Variants in MCCC2 observed in about 807,000 individuals in gnomAD.
MCCC2 encodes methylcrotonoyl-CoA carboxylase beta chain, mitochondrial.
Under a neutral mutation model 77.2 loss-of-function variants are expected in MCCC2, and 52 were observed. The observed-to-expected ratio is 0.67, with a 90% CI of 0.54 to 0.85. The LOEUF (loss-of-function observed/expected upper bound fraction) is 0.85, where lower values mean the gene tolerates loss of function less well. MCCC2 is among the 40% of genes least tolerant of loss of function. MCCC2 has a pLI of 0.00. For synonymous variants in MCCC2, 253 were observed against 248.4 expected (o/e 1.02, Z -0.18); for missense variants, 682 against 703.2 (o/e 0.97, Z 0.34).
intron 6 of MCCC2, among the ~76,000 whole-genome samples, chr5:71,618,633 A>G (rs552283250): frequency 5.0e-4 from 75 of 151,246 alleles, no homozygotes; most frequent in Non-Finnish European, 3.7e-4. Context: ...TTATCCTCCC[A>G]CCTCAGCTTC....
chr5:71,643,788 G>C (rs1354954258), intron 11 of MCCC2, 31 bp from the exon 12 acceptor site: 1 of 1,613,864 alleles, frequency 6.2e-7, no homozygotes, highest in Non-Finnish European at 8.5e-7. Flanking sequence ...AAAAGCACAA[G>C]ACATAAATCT....
In MCCC2 at chr5:71,643,901, T is replaced by A. The variant is rs1466954604; in HGVS notation, c.1149+6T>A. On this transcript the variant is annotated splice_donor_region_variant and intron_variant, in intron 12 of 16. Transcript: ENST00000340941. ...TTTCTGAATCTGCAAAAAAGGCAAG[T>A]ACTGTTAAAAATATTTCAAGATTTT... 1 of 1,614,042 alleles carries A rather than the reference T, an allele frequency of 6.2e-7. No homozygotes were observed. The highest frequency in any genetic ancestry group is 1.7e-5 in the Admixed American group (1 of 60,018).
At chr5:71,620,358 AAG>A (rs1228145771) in intron 6 of MCCC2, among the ~76,000 whole-genome samples, 1 of 152,188 alleles carries the variant, frequency 6.6e-6, no homozygotes, top group Non-Finnish European at 1.5e-5. Flanking sequence ...TGAATTGAAA[AAG>A]AAGTAAGGTG....
intron 2 of MCCC2, among the ~76,000 whole-genome samples, chr5:71,595,524 A>T (rs1283015305): frequency 6.6e-6 from 1 of 152,190 alleles, no homozygotes; most frequent in Admixed American, 6.6e-5. Context: ...ATAGCTGAAC[A>T]TTTCATTAGA....
At position 71,650,142 on chromosome 5, in the gene MCCC2, G is replaced by T. The variant is rs1378744866; in HGVS notation, c.1447G>T (p.Ala483Ser). Reference sequence around the variant, plus strand: ...AGGAGAGCAGGCAGCCAATGTGTTGGCCACGATAACAAAGGACCAAAGAGC... The same window carrying T: ...AGGAGAGCAGGCAGCCAATGTGTTGTCCACGATAACAAAGGACCAAAGAGC... ...MGGEQAANVL[A>S]TITKDQRARE... Residue 483 changes from alanine (A) to serine (S), a missense_variant, in exon 15 of 17, where the codon GCC becomes TCC. Ala to Ser is a moderately conservative substitution (Grantham distance 99). Transcript: ENST00000340941. 1 of 1,614,106 alleles carries T rather than the reference G, an allele frequency of 6.2e-7. No homozygotes were observed. Among genetic ancestry groups the T allele is most frequent in the South Asian group, 1.1e-5 (1 of 91,084 alleles).
At chr5:71,635,389 A>T (rs1746881670) in intron 10 of MCCC2, 143 bp downstream of exon 10, 1 of 764,930 alleles carries the variant, frequency 1.3e-6, no homozygotes, top group East Asian at 2.7e-5. Flanking sequence ...ATATGTGGCA[A>T]TGATACCTTT....
chr5:71,632,382 G>A (rs1746749785), intron 8 of MCCC2, among the ~76,000 whole-genome samples, 197 bp downstream of exon 8: 1 of 152,192 alleles, frequency 6.6e-6, no homozygotes, highest in African/African-American at 2.4e-5. Context: ...CAGCCAAGAA[G>A]GACTGGAGAG....
chr5:71,634,487 G>T (rs562004535), intron 8 of MCCC2, among the ~76,000 whole-genome samples: 1 of 152,200 alleles, frequency 6.6e-6, no homozygotes, highest in South Asian at 2.1e-4. Flanking sequence ...TCTCCATTAG[G>T]AGCTCAGTTA....
At position 71,587,523 on chromosome 5, in the gene MCCC2, C is replaced by T. The variant is rs2112251506; in HGVS notation, c.98C>T (p.Thr33Ile). 6.5e-7 allele frequency: 1 copy of T among 1,538,240 alleles called. No individual in the cohort carries two copies. Among genetic ancestry groups the T allele is most frequent in the Non-Finnish European group, 8.7e-7 (1 of 1,146,438 alleles). Residue 33 changes from threonine to isoleucine, a missense_variant, in exon 1 of 17, where the codon ACC becomes ATC. Thr to Ile is a moderately conservative substitution (Grantham distance 89). Transcript: ENST00000340941. ...GGGGACTCGGTGGCCTCGCTGGGCA[C>T]CCAGCCGGACTTGGGCTCTGCCCTC... is the stretch of plus-strand genomic sequence containing the variant. The part of the protein sequence containing the change: ...YHGDSVASLG[T>I]QPDLGSALYQ...
intron 6 of MCCC2, among the ~76,000 whole-genome samples, chr5:71,623,147 C>G (rs982690052): frequency 6.6e-6 from 1 of 152,248 alleles, no homozygotes; most frequent in Non-Finnish European, 1.5e-5. Context: ...TTCAGATGCA[C>G]TTCAATTGTA....
intron 6 of MCCC2, among the ~76,000 whole-genome samples, chr5:71,616,199 T>G (rs1415428544): frequency 6.6e-6 from 1 of 152,232 alleles, no homozygotes; most frequent in Non-Finnish European, 1.5e-5. Flanking sequence ...ATCTGTATCC[T>G]TTATGATATC....
intron 7 of MCCC2, among the ~76,000 whole-genome samples, chr5:71,631,041 G>A (rs1462062186): frequency 6.6e-6 from 1 of 151,970 alleles, no homozygotes; most frequent in East Asian, 1.9e-4. Context: ...ACTGGAGTTT[G>A]TTTCTTTTTG....
chr5:71,624,392 T>C (rs931655971), intron 6 of MCCC2, among the ~76,000 whole-genome samples: 5 of 152,214 alleles, frequency 3.3e-5, no homozygotes, highest in African/African-American at 1.2e-4. Flanking sequence ...TTTTCTTTTT[T>C]TTTGAGACGG....
intron 6 of MCCC2, among the ~76,000 whole-genome samples, chr5:71,616,617 A>G (rs893883481): frequency 5.9e-5 from 9 of 151,682 alleles, no homozygotes; most frequent in Admixed American, 2.6e-4. Context: ...AACTTCCCCT[A>G]CTCATTTGTT....
chr5:71,587,671 G>T (rs1402664732), intron 1 of MCCC2, 117 bp downstream of exon 1: 2 of 1,354,130 alleles, frequency 1.5e-6, no homozygotes, highest in African/African-American at 1.5e-5. Context: ...ATTCTGTGAC[G>T]CACGTGAAGT....
intron 7 of MCCC2, among the ~76,000 whole-genome samples, chr5:71,630,322 C>T (rs1009127268): frequency 1.2e-4 from 19 of 152,114 alleles, no homozygotes; most frequent in African/African-American, 4.6e-4. Flanking sequence ...TTTGAAGGCG[C>T]TTTTTGTTCT....
chr5:71,617,619 GA>G (rs1252179064), intron 6 of MCCC2, among the ~76,000 whole-genome samples: 1 of 152,280 alleles, frequency 6.6e-6, no homozygotes, highest in East Asian at 1.9e-4. Context: ...CTTTGGTTTA[GA>G]CAGACTGATA....
chr5:71,603,661 GA>G (rs1374948451), intron 5 of MCCC2, among the ~76,000 whole-genome samples: 2 of 152,278 alleles, frequency 1.3e-5, no homozygotes, highest in Admixed American at 1.3e-4. Flanking sequence ...CTTTATAGGG[GA>G]TACAGTGAGG....
In MCCC2 at chr5:71,593,035, A is replaced by C. The variant is rs755315973; in HGVS notation, c.196+43A>C. ...TCCACAGCTTATGCCTTTACTTAAG[A>C]TGTCCTAAAATAGTTATTGCTTTTA... On this transcript the variant is annotated intron_variant, in intron 2 of 16. Coordinates refer to ENST00000340941, the MANE Select transcript of MCCC2 (RefSeq NM_022132.5). The C allele has an allele frequency of 3.4e-6, 5 of 1,453,708 alleles. No individual in the cohort carries two copies. In the Admixed American group the frequency reaches 8.4e-5, roughly 24 times the overall value. The allele number at this position is 1,453,708 out of a possible 1,614,324, so 90.1% of individuals were successfully genotyped here.
Sources: allele counts gnomAD v4.1 joint callset (sites outside exome capture counted in the v4.1 genomes callset), GRCh38; gene constraint gnomAD v4.1.1; transcripts MANE v1.5; gene names NCBI Gene and HGNC (gene_info 2026-07-23, HGNC 2026-07-21).